The following USP39 variants were observed in gnomAD, a reference collection of about 807,000 sequenced individuals.
USP39 encodes the protein ubiquitin carboxyl-terminal hydrolase 39.
Under a neutral mutation model 66.4 loss-of-function variants are expected in USP39, and 38 were observed. That is an observed-to-expected ratio of 0.57 (90% CI 0.44 to 0.75). USP39 has a LOEUF of 0.75. Ranked by LOEUF, USP39 falls within the 30% of genes least tolerant of loss-of-function variation. USP39 has a pLI of 0.00. For synonymous variants in USP39, 303 were observed against 274.6 expected (o/e 1.10, Z -1.02); for missense variants, 608 against 714.4 (o/e 0.85, Z 1.70).
upstream of USP39, chr2:85,609,167 G>C: frequency 6.7e-7 from 1 of 1,500,914 alleles, no homozygotes; most frequent in Non-Finnish European, 9.0e-7. Context: ...TTTAGCTCAA[G>C]GCTTTTTGCC....
At position 85,649,027 on chromosome 2, in the gene USP39, C is replaced by A; in HGVS notation, c.*219C>A. 3 of 593,708 alleles carry A rather than the reference C, an allele frequency of 5.1e-6. No individual in the cohort carries two copies. In the South Asian group the frequency reaches 6.3e-5, roughly 12 times the overall value. 36.8% of individuals were successfully genotyped at this position (593,708 alleles called of 1,614,324 possible). ...ATCATTTTTTTCTAGATTGATGCTC[C>A]TTTCTCCCATGCATTGAGCTCCCAT... On this transcript the variant is annotated 3_prime_UTR_variant, in exon 13 of 13. Coordinates refer to ENST00000323701, the MANE Select transcript of USP39 (RefSeq NM_006590.4).
intron 4 of USP39, among the ~76,000 whole-genome samples, 175 bp from the exon 5 acceptor site, chr2:85,625,364 G>T (rs1674772996): frequency 6.6e-6 from 1 of 152,194 alleles, no homozygotes; most frequent in Non-Finnish European, 1.5e-5. Context: ...ATTAGCCATG[G>T]GAGAGGATCT....
intron 6 of USP39, among the ~76,000 whole-genome samples, chr2:85,635,611 G>A (rs990845963): frequency 5.3e-5 from 8 of 152,074 alleles, no homozygotes; most frequent in Non-Finnish European, 8.8e-5. Context: ...AGGTTCCGTA[G>A]ACAGCATTTT....
chr2:85,610,013 G>GTTT (rs552989319), upstream of USP39, among the ~76,000 whole-genome samples: 72 of 125,148 alleles, frequency 5.8e-4, no homozygotes, highest in African/African-American at 2.2e-3. Flanking sequence ...AGTGTAAGTG[G>GTTT]TTTTTTTTTT....
chr2:85,632,404 A>C (rs1199520587), intron 6 of USP39, among the ~76,000 whole-genome samples: 1 of 151,306 alleles, frequency 6.6e-6, no homozygotes, highest in East Asian at 1.9e-4. Context: ...TGGGGAACGG[A>C]GGAAGACCCT....
upstream of USP39, chr2:85,611,811 G>T (rs753650400): frequency 1.4e-5 from 22 of 1,608,998 alleles, no homozygotes; most frequent in African/African-American, 2.4e-4. Context: ...GCGGGAGTCA[G>T]GGACTGTCGG....
intron 5 of USP39, among the ~76,000 whole-genome samples, chr2:85,628,338 G>A (rs1030499653): frequency 1.3e-5 from 2 of 152,092 alleles, no homozygotes; most frequent in South Asian, 4.2e-4. Flanking sequence ...GTAGAGACGG[G>A]GTTTCATTGT....
Position 85,616,257 on chromosome 2 carries a change from C to G in USP39, c.62C>G (p.Ser21Trp). The part of the protein sequence containing the change: ...GSTRGKRESE[S>W]RGSSGRVKRE... ...ACTCGCGGGAAGCGAGAGTCTGAGT[C>G]GCGGGGCAGCTCCGGTCGCGTCAAG... Residue 21 changes from serine to tryptophan, a missense_variant, in exon 1 of 13, where the codon TCG becomes TGG. This residue lies in a region of USP39 where 207 missense variants were observed against 145.7 expected (regional missense o/e 1.42). Coordinates refer to ENST00000323701, the MANE Select transcript of USP39 (RefSeq NM_006590.4). 5 of 1,511,820 alleles carry G rather than the reference C, an allele frequency of 3.3e-6. No individual in the cohort carries two copies. The South Asian group carries it at 6.4e-5, about 19-fold the overall frequency. 93.7% of individuals were successfully genotyped at this position (1,511,820 alleles called of 1,614,324 possible). A position where few individuals can be genotyped will look rare whatever the true frequency, so the allele number is the denominator to read the frequency against.
In USP39 at chr2:85,616,301, C is replaced by A. The variant is rs778580860; in HGVS notation, c.106C>A (p.Arg36=). ...CGTCAAGCGGGAGCGAGATCGGGAG[C>A]GGGAGCCTGAGGCGGCGAGCTCCCG... The part of the protein sequence containing the change: ...GRVKRERDRE[R]EPEAASSRGS... Residue 36 remains arginine (R), a synonymous_variant, in exon 1 of 13, where the codon CGG becomes AGG. Transcript: ENST00000323701. The A allele has an allele frequency of 7.6e-6, 12 of 1,576,264 alleles. No individual in the cohort carries two copies. Among genetic ancestry groups the A allele is most frequent in the Non-Finnish European group, 1.0e-5 (12 of 1,159,830 alleles).
At chr2:85,625,764 A>G in intron 5 of USP39, 73 bp downstream of exon 5, 1 of 1,551,504 alleles carries the variant, frequency 6.4e-7, no homozygotes, top group South Asian at 1.2e-5. Flanking sequence ...CACCCCTGTA[A>G]TCCCAGCACT....
upstream of USP39, chr2:85,611,671 G>T: frequency 6.4e-7 from 1 of 1,561,244 alleles, no homozygotes; most frequent in African/African-American, 1.4e-5. Flanking sequence ...GCCTCACCTC[G>T]GTGTCGCGGC....
chr2:85,615,889 C>CAA (rs1673885734), upstream of USP39, among the ~76,000 whole-genome samples: 1 of 152,164 alleles, frequency 6.6e-6, no homozygotes, highest in African/African-American at 2.4e-5. Context: ...CTCGGCCTCC[C>CAA]AAAGTGCTGG....
upstream of USP39, among the ~76,000 whole-genome samples, chr2:85,613,649 G>T (rs1673719474): frequency 6.6e-6 from 1 of 152,246 alleles, no homozygotes; most frequent in Non-Finnish European, 1.5e-5. Flanking sequence ...GACTCTGTAT[G>T]ATTCCATTTA....
intron 1 of USP39, among the ~76,000 whole-genome samples, chr2:85,617,593 C>T (rs932214861): frequency 6.6e-6 from 1 of 152,080 alleles, no homozygotes; most frequent in Non-Finnish European, 1.5e-5. Flanking sequence ...CGCAGCTACT[C>T]TATAGGATGA....
chr2:85,619,259 G>A lies in USP39; in HGVS notation c.308G>A (p.Arg103His), dbSNP rs760611682. 29 of 1,613,680 alleles carry A rather than the reference G, an allele frequency of 1.8e-5. No homozygotes were observed. The highest frequency in any genetic ancestry group is 2.1e-5 in the Non-Finnish European group (25 of 1,179,924). Residue 103 changes from arginine (R) to histidine (H), a missense_variant, in exon 2 of 13, where the codon CGC becomes CAC. Transcript: ENST00000323701. ...GTGGATTCTGAGGACCGGAGGAGCC[G>A]CCACTGCCCGTACCTGGACACCATT... ...GRVDSEDRRS[R>H]HCPYLDTINR... is the part of the protein sequence containing the mutation.
upstream of USP39, among the ~76,000 whole-genome samples, chr2:85,613,953 G>T (rs778456595): frequency 8.4e-5 from 12 of 143,446 alleles, no homozygotes; most frequent in African/African-American, 1.6e-4. Context: ...TTGTGGAGAT[G>T]GGGGGGGTCT....
chr2:85,623,385 A>G (rs940647955), intron 3 of USP39, among the ~76,000 whole-genome samples: 5 of 150,130 alleles, frequency 3.3e-5, no homozygotes, highest in Non-Finnish European at 5.9e-5. Flanking sequence ...TATTTTACAT[A>G]TATATTAAAA....
At chr2:85,639,432 G>A (rs1676057876) in intron 9 of USP39, 41 bp downstream of exon 9, 4 of 1,493,250 alleles carry the variant, frequency 2.7e-6, no homozygotes, top group African/African-American at 1.5e-5. Flanking sequence ...ACTTACCCTC[G>A]CTCTCTCGAC....
chr2:85,620,069 G>A (rs1302958060), intron 2 of USP39, among the ~76,000 whole-genome samples: 2 of 151,616 alleles, frequency 1.3e-5, no homozygotes, highest in African/African-American at 4.8e-5. Flanking sequence ...TGTTGGCCAG[G>A]CTGACCTCAA....
Sources: gnomAD v4.1 joint callset for allele counts (sites outside exome capture counted in the v4.1 genomes callset) on GRCh38, gnomAD v4.1.1 for gene constraint, gnomAD v4.1.1 regional missense constraint, MANE v1.5 for transcripts, NCBI Gene and HGNC (gene_info 2026-07-23, HGNC 2026-07-21) for gene names.